Variants in PCTP observed in about 807,000 individuals in gnomAD.
PCTP encodes phosphatidylcholine transfer protein.
A neutral mutation model predicts 31.0 loss-of-function variants in PCTP; 27 were observed. That is an observed-to-expected ratio of 0.87 (90% CI 0.64 to 1.20). The LOEUF (loss-of-function observed/expected upper bound fraction) is 1.20. Among genes scored for constraint, PCTP ranks in the 50% most tolerant of loss-of-function variants. PCTP has a pLI of 0.00. For synonymous variants in PCTP, 108 were observed against 101.2 expected (o/e 1.07, Z -0.40); for missense variants, 287 against 268.2 (o/e 1.07, Z -0.49).
chr17:55,829,070 G>A (rs1398379869), intron 5 of PCTP, among the ~76,000 whole-genome samples: 1 of 152,122 alleles, frequency 6.6e-6, no homozygotes, highest in Non-Finnish European at 1.5e-5. Flanking sequence ...GCACCAGAGA[G>A]AGAAGAGGAG....
At chr17:55,771,304 T>G in intron 3 of PCTP, 119 bp downstream of exon 3, 1 of 772,896 alleles carries the variant, frequency 1.3e-6, no homozygotes, top group Non-Finnish European at 2.2e-6. Context: ...ACATTGTCTC[T>G]GATTCTTGCA....
chr17:55,835,727 T>G (rs1004734400), intron 5 of PCTP, among the ~76,000 whole-genome samples: 1 of 152,156 alleles, frequency 6.6e-6, no homozygotes, highest in Non-Finnish European at 1.5e-5. Context: ...CCCATCAGGC[T>G]CTCCTGTCTG....
Position 55,751,057 on chromosome 17 carries a change from G to T in PCTP, c.-47G>T, listed in dbSNP as rs753935613. On this transcript the variant is annotated 5_prime_UTR_variant, in exon 1 of 6. Transcript: ENST00000268896. ...CCCCGCCCCCAGGCCCACACTAAGGGTGTCCGCGGCCTGCCCTCCAGGCGG... is the reference window on the plus strand; with the variant it reads ...CCCCGCCCCCAGGCCCACACTAAGGTTGTCCGCGGCCTGCCCTCCAGGCGG... 9 of 1,480,908 alleles carry T rather than the reference G, an allele frequency of 6.1e-6. No homozygotes were observed. The African/African-American group carries it at 1.3e-4, about 21-fold the overall frequency. 91.7% of individuals were successfully genotyped at this position (1,480,908 alleles called of 1,614,324 possible). A position where few individuals can be genotyped will look rare whatever the true frequency, so the allele number is the denominator to read the frequency against.
rs35044645 is a variant in PCTP, at chr17:55,803,892, C to CAAA, written c.317+16249_317+16251dup. Among the ~76,000 whole-genome samples the CAAA allele has an allele frequency of 6.9e-4, 87 of 126,518 alleles. 1 individual carries two copies. The highest frequency in any genetic ancestry group is 2.4e-3 in the African/African-American group (85 of 34,936). 83.0% of individuals were successfully genotyped at this position (126,518 alleles called of 152,430 possible). A position where few individuals can be genotyped will look rare whatever the true frequency, so the allele number is the denominator to read the frequency against. ...ATTAAACTAAAGAGCTTCTGCAGAG[C>CAAA]AAAAAAAAAAAAACCAGGATCAGAG... On this transcript the variant is annotated intron_variant, in intron 3 of 3. Transcript: ENST00000572536.
At chr17:55,823,059 A>G (rs963981878) in exon 4 of PCTP, 2 of 302,536 alleles carry the variant, frequency 6.6e-6, no homozygotes, top group East Asian at 5.2e-5. Context: ...CTGGAAAGAT[A>G]GCAGTGAATA....
downstream of PCTP, among the ~76,000 whole-genome samples, chr17:55,825,396 T>C (rs1905362156): frequency 6.6e-6 from 1 of 152,218 alleles, no homozygotes; most frequent in Non-Finnish European, 1.5e-5. Flanking sequence ...AGGTAAAATG[T>C]TTTGATCATT....
chr17:55,778,163 G>T (rs1408606717), downstream of PCTP, among the ~76,000 whole-genome samples: 1 of 148,766 alleles, frequency 6.7e-6, no homozygotes. Flanking sequence ...ACGAGCTGAG[G>T]TTATGTAGGA....
chr17:55,796,679 TCTC>T (rs1912198494), intron 3 of PCTP, among the ~76,000 whole-genome samples: 1 of 151,948 alleles, frequency 6.6e-6, no homozygotes, highest in African/African-American at 2.4e-5. Context: ...ATGATTATGA[TCTC>T]CTGTGCACAT....
chr17:55,759,237 CATT>C (rs1315656497), intron 1 of PCTP, among the ~76,000 whole-genome samples: 4 of 152,162 alleles, frequency 2.6e-5, no homozygotes, highest in African/African-American at 9.6e-5. Flanking sequence ...TACCTCGTAT[CATT>C]ATTTGGATTA....
chr17:55,829,514 A>T (rs1348712156), intron 5 of PCTP, among the ~76,000 whole-genome samples: 1 of 151,998 alleles, frequency 6.6e-6, no homozygotes, highest in Non-Finnish European at 1.5e-5. Flanking sequence ...CAAACTCCTG[A>T]CTTCAGGCTG....
chr17:55,788,504 G>A (rs780818206), intron 3 of PCTP, among the ~76,000 whole-genome samples: 3 of 152,102 alleles, frequency 2.0e-5, no homozygotes, highest in African/African-American at 4.8e-5. Context: ...ACCAAGTTGG[G>A]CATTGGCTAT....
intron 1 of PCTP, among the ~76,000 whole-genome samples, chr17:55,752,385 T>C (rs1909761580): frequency 6.6e-6 from 1 of 152,182 alleles, no homozygotes; most frequent in African/African-American, 2.4e-5. Context: ...ATCTGTCAGA[T>C]ATGTGTGAAA....
chr17:55,848,018 G>A, the PCTP span, among the ~76,000 whole-genome samples: 1 of 152,086 alleles, frequency 6.6e-6, no homozygotes, highest in Non-Finnish European at 1.5e-5. Flanking sequence ...CACCTCCCAG[G>A]TTCAAGCAAT....
At chr17:55,819,100 G>A (rs930525196) in intron 3 of PCTP, among the ~76,000 whole-genome samples, 8 of 148,116 alleles carry the variant, frequency 5.4e-5, no homozygotes, top group African/African-American at 1.2e-4. Flanking sequence ...TTTAATAACA[G>A]CGACACCCCT....
intron 3 of PCTP, among the ~76,000 whole-genome samples, chr17:55,792,198 C>G (rs2145007608): frequency 6.7e-6 from 1 of 148,436 alleles, no homozygotes; most frequent in South Asian, 2.2e-4. Flanking sequence ...GGAGATATAC[C>G]TAATGCTAGA....
chr17:55,847,806 T>C (rs1906179318), downstream of PCTP, among the ~76,000 whole-genome samples: 1 of 152,256 alleles, frequency 6.6e-6, no homozygotes, highest in African/African-American at 2.4e-5. Context: ...TCTTCACCTA[T>C]TGGATGATGT....
intron 1 of PCTP, among the ~76,000 whole-genome samples, chr17:55,759,448 C>T (rs946007690): frequency 1.3e-5 from 2 of 152,204 alleles, no homozygotes; most frequent in Non-Finnish European, 2.9e-5. Flanking sequence ...TTGGCACATA[C>T]TTCCCAGCAG....
At chr17:55,839,286 C>T (rs1905880610) in intron 5 of PCTP, among the ~76,000 whole-genome samples, 1 of 152,066 alleles carries the variant, frequency 6.6e-6, no homozygotes, top group Non-Finnish European at 1.5e-5. Context: ...GCAGTGAGCA[C>T]TCAGTAATAA....
intron 5 of PCTP, among the ~76,000 whole-genome samples, chr17:55,839,184 G>A (rs1892422418): frequency 6.6e-6 from 1 of 152,078 alleles, no homozygotes; most frequent in African/African-American, 2.4e-5. Flanking sequence ...CATTGCTGCT[G>A]CTTCTTAATC....
Sources: allele counts gnomAD v4.1 joint callset (sites outside exome capture counted in the v4.1 genomes callset), GRCh38; gene constraint gnomAD v4.1.1; transcripts MANE v1.5; gene names NCBI Gene and HGNC (gene_info 2026-07-23, HGNC 2026-07-21).